GPM6A: variants seen among roughly 807,000 people sequenced by gnomAD.
GPM6A encodes neuronal membrane glycoprotein M6-a.
GPM6A carries 7 observed loss-of-function variants against 32.1 expected under a neutral mutation model. That is an observed-to-expected ratio of 0.22 (90% confidence interval 0.12 to 0.41). GPM6A has a LOEUF of 0.41. Among genes scored for constraint, GPM6A ranks in the 10% least tolerant of loss-of-function variants. GPM6A has a pLI of 1.00. For synonymous variants in GPM6A, 130 were observed against 123.4 expected (o/e 1.05, Z -0.35); for missense variants, 235 against 347.2 (o/e 0.68, Z 2.57).
chr4:175,991,394 G>GA (rs779632362), intron 1 of GPM6A, among the ~76,000 whole-genome samples: 22 of 151,502 alleles, frequency 1.5e-4, no homozygotes, highest in Non-Finnish European at 2.7e-4. Context: ...CTTTAGATAG[G>GA]AAAAAAATAT....
intron 1 of GPM6A, among the ~76,000 whole-genome samples, chr4:175,704,737 T>C (rs1243339890): frequency 6.6e-6 from 1 of 152,220 alleles, no homozygotes; most frequent in Non-Finnish European, 1.5e-5. Flanking sequence ...GGGAGATTTC[T>C]ACTGCAGACA....
intron 1 of GPM6A, among the ~76,000 whole-genome samples, chr4:175,837,434 G>A (rs1229170742): frequency 2.0e-5 from 3 of 152,156 alleles, no homozygotes; most frequent in Non-Finnish European, 4.4e-5. Context: ...AGAATAACCG[G>A]GAGCAAGAAC....
chr4:175,841,222 T>C (rs909848503), intron 1 of GPM6A, among the ~76,000 whole-genome samples: 2 of 152,214 alleles, frequency 1.3e-5, no homozygotes, highest in African/African-American at 2.4e-5. Context: ...TATTTGCATA[T>C]ATAAATTGTA....
chr4:175,901,981 A>C (rs1737982697), intron 1 of GPM6A, among the ~76,000 whole-genome samples: 1 of 151,564 alleles, frequency 6.6e-6, no homozygotes. Context: ...CAACCCAATA[A>C]CTCCACTTTT....
chr4:175,727,345 G>A (rs1005448335), intron 1 of GPM6A, among the ~76,000 whole-genome samples: 1 of 152,126 alleles, frequency 6.6e-6, no homozygotes, highest in Non-Finnish European at 1.5e-5. Context: ...CAGTGTAAAA[G>A]TTGAAGAATA....
intron 1 of GPM6A, among the ~76,000 whole-genome samples, chr4:175,745,544 C>G (rs1732069146): frequency 6.6e-6 from 1 of 152,150 alleles, no homozygotes; most frequent in Non-Finnish European, 1.5e-5. Flanking sequence ...GTCCCTGCCT[C>G]AAAAGACCTA....
intron 1 of GPM6A, among the ~76,000 whole-genome samples, chr4:175,729,159 C>G (rs1731307336): frequency 6.6e-6 from 1 of 152,154 alleles, no homozygotes; most frequent in Non-Finnish European, 1.5e-5. Flanking sequence ...ATCTCTGTAC[C>G]AGAACAGTTT....
chr4:175,856,810 C>T lies in GPM6A; in HGVS notation c.-22-44561G>A, dbSNP rs138321853. ...TCTTCTCTTCTCTCCTCTGCTGTACCGCTCTGCTCCTCTGCCAGTGGAACT... is the reference window on the plus strand; with the variant it reads ...TCTTCTCTTCTCTCCTCTGCTGTACTGCTCTGCTCCTCTGCCAGTGGAACT... On this transcript the variant is annotated intron_variant, in intron 1 of 7. Coordinates refer to the GPM6A transcript ENST00000280187. 2.6e-4 allele frequency among the ~76,000 whole-genome samples: 40 copies of T among 152,212 alleles called. No homozygotes were observed. In the East Asian group the frequency reaches 5.6e-3, roughly 21 times the overall value.
chr4:175,896,812 T>C (rs1737806491), intron 1 of GPM6A, among the ~76,000 whole-genome samples: 1 of 152,178 alleles, frequency 6.6e-6, no homozygotes, highest in Non-Finnish European at 1.5e-5. Flanking sequence ...GGCCATATTC[T>C]GTGTTAGTCA....
chr4:175,743,502 A>G (rs1413610709), intron 1 of GPM6A, among the ~76,000 whole-genome samples: 1 of 152,112 alleles, frequency 6.6e-6, no homozygotes, highest in Non-Finnish European at 1.5e-5. Context: ...CAAGAAAAAT[A>G]CAAGTACAAA....
At chr4:175,805,025 T>C (rs1174070760) in intron 1 of GPM6A, among the ~76,000 whole-genome samples, 1 of 151,848 alleles carries the variant, frequency 6.6e-6, no homozygotes, top group East Asian at 1.9e-4. Flanking sequence ...GCCTGGGCGA[T>C]GAGCGAGACT....
At chr4:175,906,164 G>A (rs554731910) in intron 1 of GPM6A, among the ~76,000 whole-genome samples, 6 of 152,088 alleles carry the variant, frequency 3.9e-5, no homozygotes, top group Non-Finnish European at 5.9e-5. Context: ...ATTCAAGAAC[G>A]ATGTCACTGC....
chr4:175,866,855 C>T (rs1039880669), intron 1 of GPM6A, among the ~76,000 whole-genome samples: 2 of 152,288 alleles, frequency 1.3e-5, no homozygotes, highest in Non-Finnish European at 2.9e-5. Context: ...TCTTCCAAAG[C>T]GGTTATACCA....
intron 1 of GPM6A, among the ~76,000 whole-genome samples, chr4:175,784,610 G>A (rs1362437650): frequency 2.0e-5 from 3 of 152,116 alleles, no homozygotes; most frequent in Non-Finnish European, 4.4e-5. Context: ...TTCATCTCAT[G>A]AGTAAATAAA....
intron 1 of GPM6A, among the ~76,000 whole-genome samples, chr4:175,912,724 C>T (rs1046963751): frequency 1.3e-5 from 2 of 152,038 alleles, no homozygotes; most frequent in Admixed American, 6.6e-5. Context: ...ATATTGTCTA[C>T]CTGGAAATTC....
At chr4:175,856,023 G>C (rs1736404018) in intron 1 of GPM6A, among the ~76,000 whole-genome samples, 1 of 151,934 alleles carries the variant, frequency 6.6e-6, no homozygotes, top group African/African-American at 2.4e-5. Context: ...TCTAGGACTG[G>C]GATGAGATAT....
chr4:175,833,347 C>A (rs567992508), intron 1 of GPM6A, among the ~76,000 whole-genome samples: 4 of 152,258 alleles, frequency 2.6e-5, no homozygotes, highest in African/African-American at 7.2e-5. Context: ...TTTGTCCCAG[C>A]TCCTCCTCCT....
chr4:175,855,910 C>T (rs1426362803), intron 1 of GPM6A, among the ~76,000 whole-genome samples: 1 of 152,188 alleles, frequency 6.6e-6, no homozygotes, highest in Non-Finnish European at 1.5e-5. Context: ...AATGAAAACA[C>T]CTAACTAGCA....
chr4:175,678,439 T>C (rs1181275994), intron 2 of GPM6A, among the ~76,000 whole-genome samples: 4 of 152,090 alleles, frequency 2.6e-5, no homozygotes, highest in Non-Finnish European at 5.9e-5. Context: ...CCTGTGATTA[T>C]ATACAAGAGC....
Sources: gnomAD v4.1 joint callset for allele counts (sites outside exome capture counted in the v4.1 genomes callset) on GRCh38, gnomAD v4.1.1 for gene constraint, MANE v1.5 for transcripts, NCBI Gene and HGNC (gene_info 2026-07-23, HGNC 2026-07-21) for gene names.